Variants in TMEM245 observed in about 807,000 individuals in gnomAD.
TMEM245 encodes the protein transmembrane protein 245, also known as protein CG-2.
A neutral mutation model predicts 101.2 loss-of-function variants in TMEM245; 69 were observed. The observed-to-expected ratio is 0.68, with a 90% CI of 0.56 to 0.83. The LOEUF is 0.83. TMEM245 is among the 40% of genes least tolerant of loss of function. The pLI, the probability that TMEM245 is intolerant of heterozygous loss-of-function variation, is 0.00. For missense variants in TMEM245, 1,075 were observed against 1,092.8 expected (o/e 0.98, Z 0.23); for synonymous variants, 537 against 449.8 (o/e 1.19, Z -2.45).
At chr9:109,076,255 C>CCAT (rs35266949) in intron 8 of TMEM245, among the ~76,000 whole-genome samples, 141,531 of 151,672 alleles carry the variant, frequency 0.93, 66,128 homozygotes, top group East Asian at 1. Context: ...AAGCTGGAAA[C>CCAT]CATTCTCAGC....
intron 3 of TMEM245, among the ~76,000 whole-genome samples, chr9:109,103,553 A>T (rs1047581317): frequency 6.6e-6 from 1 of 152,206 alleles, no homozygotes; most frequent in Non-Finnish European, 1.5e-5. Flanking sequence ...TCCGCCAAAA[A>T]AAAAGAATGA....
chr9:109,037,088 G>A (rs568368604), intron 15 of TMEM245, among the ~76,000 whole-genome samples: 1 of 152,140 alleles, frequency 6.6e-6, no homozygotes, highest in Non-Finnish European at 1.5e-5. Flanking sequence ...AATAGGGAAA[G>A]GGGGGGATGT....
intron 3 of TMEM245, among the ~76,000 whole-genome samples, chr9:109,100,636 G>A (rs1830260948): frequency 6.6e-6 from 1 of 152,150 alleles, no homozygotes; most frequent in African/African-American, 2.4e-5. Context: ...ATTATAGCAT[G>A]AGCCATTATG....
chr9:109,118,585 T>A (rs1275010292), intron 1 of TMEM245, among the ~76,000 whole-genome samples: 1 of 152,218 alleles, frequency 6.6e-6, no homozygotes, highest in Non-Finnish European at 1.5e-5. Context: ...CTCAGGTTAA[T>A]CCAAGCATCA....
intron 2 of TMEM245, among the ~76,000 whole-genome samples, chr9:109,106,810 G>A (rs1276872357): frequency 1.3e-5 from 2 of 151,986 alleles, no homozygotes; most frequent in African/African-American, 4.8e-5. Context: ...TGCTCTCAGA[G>A]GCCCCTGGTC....
intron 11 of TMEM245, 86 bp downstream of exon 11, chr9:109,060,268 A>G (rs1333605190): frequency 1.1e-6 from 1 of 951,602 alleles, no homozygotes; most frequent in African/African-American, 1.7e-5. Context: ...ATGAAATCCC[A>G]CTGTGAATAT....
In TMEM245 at chr9:109,033,622, A is replaced by G. The variant is rs927327949; in HGVS notation, c.2400-121T>C. The G allele has an allele frequency of 2.3e-4, 199 of 870,906 alleles. No individual in the cohort carries two copies. The Middle Eastern group carries it at 2.8e-3, about 12-fold the overall frequency. 53.9% of individuals were successfully genotyped at this position (870,906 alleles called of 1,614,324 possible). ...TTAGCATATTATCAGCTTTCTTTAG[A>G]TCACCTCGATGCATACAACTGAACA... On this transcript the variant is annotated intron_variant, in intron 16 of 17. Transcript: ENST00000374586.
At chr9:109,068,590 G>T (rs1829240909) in intron 9 of TMEM245, among the ~76,000 whole-genome samples, 1 of 152,074 alleles carries the variant, frequency 6.6e-6, no homozygotes, top group African/African-American at 2.4e-5. Flanking sequence ...ACTGAGCCAA[G>T]ATCACACCAC....
intron 14 of TMEM245, chr9:109,039,181 G>A (rs62575218): frequency 0.062 from 9,403 of 152,226 alleles, 387 homozygotes; most frequent in South Asian, 0.14. Flanking sequence ...GTAGTGTTCT[G>A]GGACATGGAT....
chr9:109,109,164 GA>G (rs1183010517), intron 1 of TMEM245, among the ~76,000 whole-genome samples: 1 of 151,998 alleles, frequency 6.6e-6, no homozygotes, highest in African/African-American at 2.4e-5. Flanking sequence ...AAGTGTGCCT[GA>G]AAAAAATATT....
rs199537454 is a variant in TMEM245 at position 109,062,297 on chromosome 9, G to A, written c.1624-1845C>T. On this transcript the variant is annotated intron_variant, in intron 10 of 17. Transcript: ENST00000374586. ...CAGGCATGAGCCACCACACCCAGCCGAAAATGAGCATTTTAATGGCTCTTG... is the reference window on the plus strand; with the variant it reads ...CAGGCATGAGCCACCACACCCAGCCAAAAATGAGCATTTTAATGGCTCTTG... Among the ~76,000 whole-genome samples, 15 of 152,192 alleles carry A rather than the reference G, an allele frequency of 9.9e-5. No homozygotes were observed. In the East Asian group the frequency reaches 1.5e-3, roughly 16 times the overall value.
chr9:109,084,050 G>A (rs1305661313), intron 7 of TMEM245, among the ~76,000 whole-genome samples: 1 of 149,688 alleles, frequency 6.7e-6, no homozygotes, highest in East Asian at 2.0e-4. Flanking sequence ...CTGCACTCCA[G>A]CCTGGGTGAC....
At chr9:109,070,415 A>G (rs576676562) in intron 9 of TMEM245, among the ~76,000 whole-genome samples, 16 of 152,322 alleles carry the variant, frequency 1.1e-4, no homozygotes, top group Admixed American at 5.9e-4. Flanking sequence ...AGCTAGAAAC[A>G]TAAGTCATGC....
At chr9:109,051,118 C>G (rs1387922378) in intron 12 of TMEM245, among the ~76,000 whole-genome samples, 1 of 152,116 alleles carries the variant, frequency 6.6e-6, no homozygotes, top group East Asian at 1.9e-4. Context: ...TAGTAAAACC[C>G]TGTCTCTACT....
intron 17 of TMEM245, among the ~76,000 whole-genome samples, chr9:109,028,649 G>C (rs1827860517): frequency 6.6e-6 from 1 of 152,012 alleles, no homozygotes; most frequent in Non-Finnish European, 1.5e-5. Context: ...AAGAGATTAT[G>C]CTGGGTGGGC....
chr9:109,087,699 CA>C (rs1829882702), intron 5 of TMEM245, among the ~76,000 whole-genome samples: 1 of 152,194 alleles, frequency 6.6e-6, no homozygotes, highest in Non-Finnish European at 1.5e-5. Context: ...GTAAATAATA[CA>C]AACCCCTGAC....
intron 13 of TMEM245, 59 bp downstream of exon 13, chr9:109,050,511 C>T (rs1267033006): frequency 3.1e-6 from 5 of 1,612,132 alleles, no homozygotes; most frequent in Non-Finnish European, 4.2e-6. Flanking sequence ...GCAAATGAAA[C>T]CAGAAATATG....
chr9:109,030,128 A>C (rs1034618518), intron 17 of TMEM245, among the ~76,000 whole-genome samples: 1 of 152,232 alleles, frequency 6.6e-6, no homozygotes, highest in African/African-American at 2.4e-5. Context: ...GATGATGCCT[A>C]TATATGACCA....
intron 4 of TMEM245, among the ~76,000 whole-genome samples, 167 bp from the exon 5 acceptor site, chr9:109,091,322 T>G (rs1164205094): frequency 6.6e-6 from 1 of 152,210 alleles, no homozygotes; most frequent in Admixed American, 6.5e-5. Context: ...TGTTTGCATA[T>G]GCACTGAAAA....
Sources: allele counts gnomAD v4.1 joint callset (sites outside exome capture counted in the v4.1 genomes callset), GRCh38; gene constraint gnomAD v4.1.1; transcripts MANE v1.5; gene names NCBI Gene and HGNC (gene_info 2026-07-23, HGNC 2026-07-21).